Variants in CDH9 observed in about 807,000 individuals in gnomAD.
CDH9 encodes cadherin 9, also known as cadherin-9.
CDH9 carries 28 observed loss-of-function variants against 70.9 expected under a neutral mutation model. The ratio of observed to expected loss-of-function variants is 0.40; its 90% CI spans 0.29 to 0.54. CDH9 has a LOEUF of 0.54. Among genes scored for constraint, CDH9 ranks in the 20% least tolerant of loss-of-function variants. The probability of loss-of-function intolerance (pLI) is 0.59; values close to 1 mark genes in which losing one functional copy is unlikely to be tolerated. For synonymous variants in CDH9, 409 were observed against 343.1 expected (o/e 1.19, Z -2.12); for missense variants, 874 against 984.4 (o/e 0.89, Z 1.50).
intron 2 of CDH9, among the ~76,000 whole-genome samples, chr5:26,927,361 T>TG (rs1236261432): frequency 6.6e-6 from 1 of 152,056 alleles, no homozygotes; most frequent in Non-Finnish European, 1.5e-5. Context: ...AGTTCACCAC[T>TG]GTTATTCAAC....
chr5:26,978,042 T>G (rs1742332032), intron 2 of CDH9, among the ~76,000 whole-genome samples: 1 of 151,996 alleles, frequency 6.6e-6, no homozygotes, highest in Non-Finnish European at 1.5e-5. Context: ...CCAGTGCAAT[T>G]TTACTTCCTG....
intron 2 of CDH9, among the ~76,000 whole-genome samples, chr5:26,986,352 A>G (rs1399195262): frequency 6.6e-6 from 1 of 152,108 alleles, no homozygotes; most frequent in African/African-American, 2.4e-5. Context: ...AAAAAATATG[A>G]AAGGTAATTA....
At chr5:26,978,658 A>C (rs545286587) in intron 2 of CDH9, among the ~76,000 whole-genome samples, 39 of 118,824 alleles carry the variant, frequency 3.3e-4, no homozygotes, top group Non-Finnish European at 6.1e-4. Flanking sequence ...AGTGAATTTC[A>C]AACAGAATTA....
chr5:26,931,559 T>C (rs912503956), intron 2 of CDH9, among the ~76,000 whole-genome samples: 4 of 152,130 alleles, frequency 2.6e-5, no homozygotes, highest in Admixed American at 2.6e-4. Context: ...CTACATTGCG[T>C]GAGTAAAGAG....
chr5:27,017,822 T>C (rs1743071048), intron 1 of CDH9, among the ~76,000 whole-genome samples: 1 of 152,014 alleles, frequency 6.6e-6, no homozygotes, highest in Non-Finnish European at 1.5e-5. Context: ...CAGCATTCTT[T>C]GATCTATCTC....
chr5:26,938,460 T>C (rs1004319042), intron 2 of CDH9, among the ~76,000 whole-genome samples: 7 of 151,908 alleles, frequency 4.6e-5, no homozygotes, highest in Non-Finnish European at 7.4e-5. Context: ...GATAGGATAC[T>C]ATATATATAA....
At chr5:26,963,138 A>T (rs35393375) in intron 2 of CDH9, among the ~76,000 whole-genome samples, 2 of 152,192 alleles carry the variant, frequency 1.3e-5, no homozygotes, top group African/African-American at 4.8e-5. Context: ...ATTAAATCGC[A>T]TTAGAATTAA....
chr5:26,992,619 A>G (rs940123053), intron 1 of CDH9, among the ~76,000 whole-genome samples: 6 of 152,182 alleles, frequency 3.9e-5, no homozygotes, highest in African/African-American at 1.2e-4. Context: ...TTGCTACTAT[A>G]ACAAATATCT....
At chr5:26,983,308 T>C (rs1050582955) in intron 2 of CDH9, among the ~76,000 whole-genome samples, 1 of 152,190 alleles carries the variant, frequency 6.6e-6, no homozygotes, top group African/African-American at 2.4e-5. Flanking sequence ...TGAATTCAAC[T>C]TAAGTGAATT....
At chr5:26,936,719 A>C in intron 2 of CDH9, among the ~76,000 whole-genome samples, 1 of 152,104 alleles carries the variant, frequency 6.6e-6, no homozygotes, top group East Asian at 1.9e-4. Flanking sequence ...AACAGAATAC[A>C]GATCCCAGAA....
intron 1 of CDH9, among the ~76,000 whole-genome samples, chr5:26,989,632 C>A (rs1371954291): frequency 3.3e-5 from 5 of 151,762 alleles, no homozygotes; most frequent in Non-Finnish European, 7.4e-5. Context: ...GATATAAAAT[C>A]TTCAATTTCA....
intron 7 of CDH9, 101 bp downstream of exon 7, chr5:26,902,375 T>A: frequency 1.4e-6 from 1 of 718,076 alleles, no homozygotes. Flanking sequence ...GTATTATTAC[T>A]GTGCTTGATT....
chr5:26,884,406 G>A (rs2170034), intron 11 of CDH9, among the ~76,000 whole-genome samples: 16,915 of 151,970 alleles, frequency 0.11, 1,549 homozygotes, highest in East Asian at 0.46. Context: ...CTTCCTGAGC[G>A]AATAAAACAA....
chr5:26,919,623 C>A (rs1489194764), intron 2 of CDH9, among the ~76,000 whole-genome samples: 1 of 152,130 alleles, frequency 6.6e-6, no homozygotes, highest in Non-Finnish European at 1.5e-5. Flanking sequence ...ACCTCTCTCC[C>A]AACCACCAAC....
intron 11 of CDH9, among the ~76,000 whole-genome samples, chr5:26,884,475 AT>A (rs1477322794): frequency 1.3e-5 from 2 of 152,200 alleles, no homozygotes; most frequent in Non-Finnish European, 2.9e-5. Flanking sequence ...CCATAGGAAT[AT>A]AAAAATATTT....
chr5:26,964,632 C>T (rs1237176817), intron 2 of CDH9, among the ~76,000 whole-genome samples: 3 of 152,008 alleles, frequency 2.0e-5, no homozygotes, highest in African/African-American at 7.2e-5. Flanking sequence ...ATCTTGAAGC[C>T]CTTTTTTTAA....
intron 2 of CDH9, among the ~76,000 whole-genome samples, chr5:26,972,122 G>T (rs996741538): frequency 6.6e-6 from 1 of 152,152 alleles, no homozygotes; most frequent in African/African-American, 2.4e-5. Context: ...GGATAACATT[G>T]TGACATGTAA....
chr5:26,908,987 AT>A lies in CDH9; in HGVS notation c.524-2150del, dbSNP rs550325244. Among the ~76,000 whole-genome samples, 285 of 152,186 alleles carry A rather than the reference AT, an allele frequency of 1.9e-3. 2 individuals carry two copies. The highest frequency in any genetic ancestry group is 5.2e-3 in the South Asian group (25 of 4,822). On this transcript the variant is annotated intron_variant, in intron 3 of 11. Transcript: ENST00000231021. The stretch of plus-strand genomic sequence containing the variant: ...AAAATGGTTTATATGTTTTATATTA[AT>A]TTTTGTTTTTTTTGAGATGCAGTCT...
intron 2 of CDH9, among the ~76,000 whole-genome samples, chr5:26,948,929 G>T (rs553849375): frequency 1.4e-4 from 22 of 152,202 alleles, no homozygotes; most frequent in Middle Eastern, 6.8e-3. Context: ...GTGGGAGAAC[G>T]CTATTAACCA....
Sources: allele counts gnomAD v4.1 joint callset (sites outside exome capture counted in the v4.1 genomes callset), GRCh38; gene constraint gnomAD v4.1.1; transcripts MANE v1.5; gene names NCBI Gene and HGNC (gene_info 2026-07-23, HGNC 2026-07-21).